The following DLG2 variants were observed in gnomAD, a reference collection of about 807,000 sequenced individuals.
DLG2 encodes the protein disks large homolog 2.
Under a neutral mutation model 132.5 loss-of-function variants are expected in DLG2, and 45 were observed. The ratio of observed to expected loss-of-function variants is 0.34; its 90% CI spans 0.27 to 0.44. DLG2 has a LOEUF of 0.44. Ranked by LOEUF, DLG2 falls within the 20% of genes least tolerant of loss-of-function variation. DLG2 has a pLI of 1.00. For synonymous variants in DLG2, 424 were observed against 419.6 expected (o/e 1.01, Z -0.13); for missense variants, 1,045 against 1,196.9 (o/e 0.87, Z 1.87).
At chr11:84,673,134 AT>A (rs1329187503) in intron 6 of DLG2, among the ~76,000 whole-genome samples, 3 of 152,116 alleles carry the variant, frequency 2.0e-5, no homozygotes, top group African/African-American at 7.2e-5. Context: ...TTGACATGAC[AT>A]TTGGGCAGGG....
chr11:85,068,374 G>A (rs898205897), intron 6 of DLG2, among the ~76,000 whole-genome samples: 2 of 152,116 alleles, frequency 1.3e-5, no homozygotes, highest in African/African-American at 4.8e-5. Flanking sequence ...CCTGTTTGCA[G>A]ATGACATGAT....
At chr11:84,622,399 G>A (rs2099615583) in intron 6 of DLG2, among the ~76,000 whole-genome samples, 1 of 152,078 alleles carries the variant, frequency 6.6e-6, no homozygotes, top group Non-Finnish European at 1.5e-5. Flanking sequence ...TGGGTATTAC[G>A]AGTGTAATCA....
chr11:85,122,982 T>TATATATATATATATATATATA (rs1271959521), intron 5 of DLG2, among the ~76,000 whole-genome samples: 907 of 31,542 alleles, frequency 0.029, 18 homozygotes, highest in Non-Finnish European at 0.041. Flanking sequence ...TTTTTTTTTT[T>TATATATATATATATATATATA]TTTTTTTTTT....
intron 6 of DLG2, among the ~76,000 whole-genome samples, chr11:84,614,028 A>G (rs900918866): frequency 3.3e-5 from 5 of 152,238 alleles, no homozygotes; most frequent in South Asian, 2.1e-4. Context: ...GACCAATAGT[A>G]AACAACTGTG....
At position 83,597,435 on chromosome 11, in the gene DLG2, C is replaced by A. The variant is rs2057777433; in HGVS notation, c.1940+35776G>T. On this transcript the variant is annotated intron_variant, in intron 19 of 27. Transcript: ENST00000376104. The stretch of plus-strand genomic sequence containing the variant: ...AGACACAGTGGCTCATGCCTGTAAT[C>A]CCAGTACTTTGGGAGGCCGAGGTGG... Among the ~76,000 whole-genome samples, 4 of 152,108 alleles carry A rather than the reference C, an allele frequency of 2.6e-5. No individual in the cohort carries two copies. In the South Asian group the frequency reaches 8.3e-4, roughly 32 times the overall value.
intron 6 of DLG2, among the ~76,000 whole-genome samples, chr11:84,852,043 T>C (rs915254222): frequency 3.9e-5 from 6 of 152,018 alleles, no homozygotes; most frequent in African/African-American, 1.2e-4. Flanking sequence ...CAGCTCAGCT[T>C]TCATTTATTT....
chr11:85,565,619 A>G (rs2077487729), intron 3 of DLG2, among the ~76,000 whole-genome samples: 1 of 152,102 alleles, frequency 6.6e-6, no homozygotes, highest in Non-Finnish European at 1.5e-5. Flanking sequence ...AGTGACCTTT[A>G]GTGACTGGTT....
Position 83,962,874 on chromosome 11 carries a change from G to A in DLG2, c.1340+11C>T. 1 of 1,611,896 alleles carries A rather than the reference G, an allele frequency of 6.2e-7. No individual in the cohort carries two copies. Among genetic ancestry groups the A allele is most frequent in the Non-Finnish European group, 8.5e-7 (1 of 1,178,514 alleles). On this transcript the variant is annotated intron_variant, in intron 14 of 27. Transcript: ENST00000376104. ...AAGAGCAAATCCAATTAACTAACAG[G>A]CATATCTGACCTGGTGTAGTCGTCG...
Position 85,352,253 on chromosome 11 carries a change from A to G in DLG2, c.41-66888T>C, listed in dbSNP as rs564472843. 6.6e-5 allele frequency among the ~76,000 whole-genome samples: 10 copies of G among 152,058 alleles called. No homozygotes were observed. The East Asian group carries it at 1.9e-3, about 29-fold the overall frequency. On this transcript the variant is annotated intron_variant, in intron 3 of 27. Transcript: ENST00000376104. ...TTATATTTCTGTGGGATTGGTGGTGATATCCCCTTTATCATTTTTTATTGC... is the reference window on the plus strand; with the variant it reads ...TTATATTTCTGTGGGATTGGTGGTGGTATCCCCTTTATCATTTTTTATTGC...
intron 15 of DLG2, among the ~76,000 whole-genome samples, chr11:83,877,585 T>C (rs905254054): frequency 5.3e-5 from 8 of 152,192 alleles, no homozygotes; most frequent in Admixed American, 3.9e-4. Flanking sequence ...ACAAAGTAAA[T>C]GCAAATGGTA....
chr11:84,610,516 T>G (rs1264987576), intron 6 of DLG2, among the ~76,000 whole-genome samples: 1 of 152,056 alleles, frequency 6.6e-6, no homozygotes, highest in Non-Finnish European at 1.5e-5. Flanking sequence ...GGTGGATTGG[T>G]AGGTCCTATC....
chr11:84,900,453 G>A (rs181339235), intron 6 of DLG2, among the ~76,000 whole-genome samples: 4 of 152,046 alleles, frequency 2.6e-5, no homozygotes, highest in African/African-American at 4.8e-5. Flanking sequence ...TTACTCTTTT[G>A]GGGGAATGAA....
chr11:83,764,193 C>T (rs1593915849), intron 18 of DLG2, among the ~76,000 whole-genome samples: 1 of 152,072 alleles, frequency 6.6e-6, no homozygotes, highest in Non-Finnish European at 1.5e-5. Flanking sequence ...GCATTGGCTA[C>T]CAGATCCCCT....
At chr11:85,324,974 C>T (rs2081350047) in intron 3 of DLG2, among the ~76,000 whole-genome samples, 2 of 146,720 alleles carry the variant, frequency 1.4e-5, no homozygotes, top group African/African-American at 5.1e-5. Context: ...CGCAAGGGGT[C>T]AGGGAGTTCC....
At chr11:84,885,434 A>G (rs2088098740) in intron 6 of DLG2, among the ~76,000 whole-genome samples, 1 of 152,062 alleles carries the variant, frequency 6.6e-6, no homozygotes, top group Non-Finnish European at 1.5e-5. Flanking sequence ...TCCTGGGCTC[A>G]AGTGATCCTC....
At position 85,341,967 on chromosome 11, in the gene DLG2, A is replaced by G. The variant is rs995201780; in HGVS notation, c.41-56602T>C. On this transcript the variant is annotated intron_variant, in intron 3 of 27. Transcript: ENST00000376104. Reference sequence around the variant, plus strand: ...TATGGTAAAAAATATAACAAATGAGATATCTGTATAAGGCCCTTACCAGGA... The same window carrying G: ...TATGGTAAAAAATATAACAAATGAGGTATCTGTATAAGGCCCTTACCAGGA... Among the ~76,000 whole-genome samples the G allele has an allele frequency of 3.3e-5, 5 of 152,192 alleles. No homozygotes were observed. The East Asian group carries it at 9.6e-4, about 29-fold the overall frequency.
At chr11:84,770,807 G>A (rs1359028378) in intron 6 of DLG2, among the ~76,000 whole-genome samples, 2 of 149,842 alleles carry the variant, frequency 1.3e-5, no homozygotes, top group Non-Finnish European at 3.0e-5. Context: ...TACCACGCCT[G>A]GCTAATTTTT....
chr11:83,749,177 A>C (rs1298300938), intron 18 of DLG2, among the ~76,000 whole-genome samples: 1 of 152,218 alleles, frequency 6.6e-6, no homozygotes, highest in Non-Finnish European at 1.5e-5. Flanking sequence ...GAGAGATGGC[A>C]GTGATGATTA....
chr11:84,515,851 TAA>T (rs2099271141), intron 7 of DLG2, among the ~76,000 whole-genome samples: 1 of 151,784 alleles, frequency 6.6e-6, no homozygotes, highest in African/African-American at 2.4e-5. Flanking sequence ...GAACAAATCA[TAA>T]AAGATTTTAA....
Sources: gnomAD v4.1 joint callset for allele counts (sites outside exome capture counted in the v4.1 genomes callset) on GRCh38, gnomAD v4.1.1 for gene constraint, MANE v1.5 for transcripts, NCBI Gene and HGNC (gene_info 2026-07-23, HGNC 2026-07-21) for gene names.